Variants in ZFYVE16 observed in about 807,000 individuals in gnomAD.
The protein encoded by ZFYVE16 is zinc finger FYVE-type containing 16, also known as zinc finger FYVE domain-containing protein 16.
A neutral mutation model predicts 138.1 loss-of-function variants in ZFYVE16; 89 were observed. The observed-to-expected ratio is 0.64, with a 90% CI of 0.54 to 0.77. ZFYVE16 has a LOEUF of 0.77. Among genes scored for constraint, ZFYVE16 ranks in the 30% least tolerant of loss-of-function variants. The pLI, the probability that ZFYVE16 is intolerant of heterozygous loss-of-function variation, is 0.00. For synonymous variants in ZFYVE16, 596 were observed against 618.3 expected (o/e 0.96, Z 0.53); for missense variants, 1,793 against 1,786.7 (o/e 1.00, Z -0.06).
intron 5 of ZFYVE16, chr5:80,440,657 G>GGT (rs141202687): frequency 0.2 from 158,433 of 788,888 alleles, 3,366 homozygotes; most frequent in Admixed American, 0.22. Context: ...AGTTCTCACA[G>GGT]GTGTGTGTGT....
chr5:80,474,615 TA>T, intron 17 of ZFYVE16, 47 bp from the exon 18 acceptor site: 1 of 1,542,604 alleles, frequency 6.5e-7, no homozygotes, highest in Non-Finnish European at 8.8e-7. Context: ...TGTTGCATTT[TA>T]AAGTTACTTT....
chr5:80,445,116 C>T, intron 6 of ZFYVE16, 147 bp from the exon 7 acceptor site: 1 of 774,584 alleles, frequency 1.3e-6, no homozygotes. Flanking sequence ...TCACAAAAGG[C>T]CATTTCTCTA....
At chr5:80,421,943 G>C (rs373776348) in intron 1 of ZFYVE16, among the ~76,000 whole-genome samples, 1 of 152,132 alleles carries the variant, frequency 6.6e-6, no homozygotes, top group Admixed American at 6.6e-5. Flanking sequence ...GAATGTTCTT[G>C]CATTTGTTTG....
chr5:80,477,128 T>C, intron 18 of ZFYVE16, 91 bp from the exon 19 acceptor site: 1 of 1,080,210 alleles, frequency 9.3e-7, no homozygotes, highest in Non-Finnish European at 1.3e-6. Flanking sequence ...ATGCTTGAAC[T>C]GTATTTTAAA....
chr5:80,421,768 G>A (rs993802179), intron 1 of ZFYVE16, among the ~76,000 whole-genome samples: 11 of 152,086 alleles, frequency 7.2e-5, no homozygotes, highest in Non-Finnish European at 5.9e-5. Context: ...GGACTGTCTC[G>A]GCAATGCGGG....
upstream of ZFYVE16, chr5:80,408,025 C>G (rs1580033733): frequency 1.3e-5 from 2 of 152,424 alleles, no homozygotes; most frequent in Middle Eastern, 6.8e-3. Flanking sequence ...CTGCGCTGCC[C>G]GGTGGGGCGG....
At chr5:80,456,215 T>C (rs897750659) in intron 12 of ZFYVE16, 1 of 339,744 alleles carries the variant, frequency 2.9e-6, no homozygotes, top group African/African-American at 2.2e-5. Context: ...TTTTGTAATT[T>C]TGTGTTTCCC....
intron 2 of ZFYVE16, among the ~76,000 whole-genome samples, chr5:80,429,855 CT>C: frequency 6.6e-6 from 1 of 152,214 alleles, no homozygotes; most frequent in East Asian, 1.9e-4. Context: ...CCATTACAGA[CT>C]GGTAAAGGGA....
intron 5 of ZFYVE16, chr5:80,441,255 A>G (rs892224428): frequency 1.0e-6 from 1 of 985,300 alleles, no homozygotes; most frequent in African/African-American, 1.7e-5. Flanking sequence ...GACAGGTCAG[A>G]TTTTTGGGTG....
At chr5:80,447,992 T>C in intron 7 of ZFYVE16, 34 bp from the exon 8 acceptor site, 1 of 1,511,712 alleles carries the variant, frequency 6.6e-7, no homozygotes, top group Non-Finnish European at 8.9e-7. Flanking sequence ...GAATATGAAC[T>C]GATTTGTTAT....
intron 1 of ZFYVE16, 94 bp from the exon 2 acceptor site, chr5:80,427,398 T>G (rs1335883367): frequency 6.6e-6 from 1 of 152,072 alleles, no homozygotes; most frequent in Non-Finnish European, 1.5e-5. Context: ...TCCTTCACAG[T>G]TTTCATTCAT....
At chr5:80,465,400 GTTTT>G (rs3072097) in intron 15 of ZFYVE16, among the ~76,000 whole-genome samples, 29 of 26,778 alleles carry the variant, frequency 1.1e-3, no homozygotes, top group South Asian at 8.3e-3. Flanking sequence ...CCTTTTCTTT[GTTTT>G]TTTTTTTTTT....
At position 80,474,763 on chromosome 5, in the gene ZFYVE16, A is replaced by C; in HGVS notation, c.4394A>C (p.His1465Pro). ...GCTTGTAGTGCTGCGCTGTGCCCTC[A>C]CCTGAAAACTCTAAAAAGTAATGGG... ...AMACSAALCP[H>P]LKTLKSNGMN... Residue 1465 changes from histidine (H) to proline (P), a missense_variant, in exon 18 of 19, where the codon CAC (histidine) becomes CCC (proline). Physicochemically the swap from His to Pro is moderately conservative, Grantham distance 77. Transcript: ENST00000505560. 1 of 1,613,850 alleles carries C rather than the reference A, an allele frequency of 6.2e-7. No individual in the cohort carries two copies. Among genetic ancestry groups the C allele is most frequent in the Non-Finnish European group, 8.5e-7 (1 of 1,179,844 alleles).
At chr5:80,456,356 A>G (rs543837171) in intron 12 of ZFYVE16, 105 bp from the exon 13 acceptor site, 1 of 864,888 alleles carries the variant, frequency 1.2e-6, no homozygotes, top group African/African-American at 1.8e-5. Context: ...CCTGAGAATG[A>G]TATTCTTTAT....
rs1752894706 is a variant in ZFYVE16 at position 80,459,592 on chromosome 5, T to C, written c.4024+98T>C. 4 of 1,007,316 alleles carry C rather than the reference T, an allele frequency of 4.0e-6. 1 individual carries two copies. The South Asian group carries it at 6.7e-5, about 17-fold the overall frequency. The allele number at this position is 1,007,316 out of a possible 1,614,324, so 62.4% of individuals were successfully genotyped here. On this transcript the variant is annotated intron_variant, in intron 15 of 18. Coordinates refer to ENST00000505560, the MANE Select transcript of ZFYVE16 (RefSeq NM_001284236.3). ...TTTACACAAGAACATATGTAAGTTA[T>C]AAAGCACAGTACCACAAACTTACAT...
rs934328249 is a variant in ZFYVE16, at chr5:80,482,022, C to T, written c.*4645C>T. Among the ~76,000 whole-genome samples the T allele has an allele frequency of 6.6e-6, 1 of 152,070 alleles. No homozygotes were observed. The highest frequency in any genetic ancestry group is 2.4e-5 in the African/African-American group (1 of 41,410). ...TTTTAATAGAGACAGAGTTTCACCA[C>T]GTTGGCCAGGCTGGTCTCAAACTCC... On this transcript the variant is annotated 3_prime_UTR_variant, in exon 19 of 19. Transcript: ENST00000505560.
intron 5 of ZFYVE16, chr5:80,440,474 A>G: frequency 1.0e-6 from 1 of 985,570 alleles, no homozygotes; most frequent in Non-Finnish European, 1.2e-6. Context: ...GTAGAAGATA[A>G]GGTGGTAATA....
At chr5:80,434,575 C>T (rs1749601574) in intron 3 of ZFYVE16, among the ~76,000 whole-genome samples, 1 of 152,116 alleles carries the variant, frequency 6.6e-6, no homozygotes, top group African/African-American at 2.4e-5. Flanking sequence ...CCCCGAGGCT[C>T]AAGCATTTCT....
chr5:80,459,593 A>G lies in ZFYVE16; in HGVS notation c.4024+99A>G, dbSNP rs546691898. On this transcript the variant is annotated intron_variant, in intron 15 of 18. Coordinates refer to ENST00000505560, the MANE Select transcript of ZFYVE16 (RefSeq NM_001284236.3). ...TTACACAAGAACATATGTAAGTTAT[A>G]AAGCACAGTACCACAAACTTACATG... 3.3e-5 allele frequency: 33 copies of G among 1,011,476 alleles called. No homozygotes were observed. In the East Asian group the frequency reaches 6.0e-4, roughly 18 times the overall value. The allele number at this position is 1,011,476 out of a possible 1,614,324, so 62.7% of individuals were successfully genotyped here. A position where few individuals can be genotyped will look rare whatever the true frequency, so the allele number is the denominator to read the frequency against.
Sources: allele counts gnomAD v4.1 joint callset (sites outside exome capture counted in the v4.1 genomes callset), GRCh38; gene constraint gnomAD v4.1.1; transcripts MANE v1.5; gene names NCBI Gene and HGNC (gene_info 2026-07-23, HGNC 2026-07-21).